TBC1D1: variants seen among roughly 807,000 people sequenced by gnomAD.
The protein encoded by TBC1D1 is TBC1 domain family member 1.
In TBC1D1, 89 loss-of-function variants were observed where a neutral mutation model predicts 125.6. The observed-to-expected ratio is 0.71, with a 90% CI of 0.60 to 0.85. The LOEUF (loss-of-function observed/expected upper bound fraction) is 0.85. Among genes scored for constraint, TBC1D1 ranks in the 40% least tolerant of loss-of-function variants. The probability of loss-of-function intolerance (pLI) is 0.00; values close to 1 mark genes in which losing one functional copy is unlikely to be tolerated. For missense variants in TBC1D1, 1,377 were observed against 1,469.2 expected, an observed-to-expected ratio of 0.94 and a Z score of 1.03; for synonymous variants, 565 against 564.1, an observed-to-expected ratio of 1.00 and a Z score of -0.02.
intron 4 of TBC1D1, 35 bp from the exon 5 acceptor site, chr4:38,020,554 GGA>G (rs1425010167): frequency 6.4e-7 from 1 of 1,555,256 alleles, no homozygotes; most frequent in Non-Finnish European, 8.9e-7. Context: ...TGCGTCTTCT[GGA>G]TACAACTGAA....
At chr4:37,982,447 A>G (rs956261007) in intron 2 of TBC1D1, among the ~76,000 whole-genome samples, 1 of 152,224 alleles carries the variant, frequency 6.6e-6, no homozygotes, top group Non-Finnish European at 1.5e-5. Context: ...GTCATAGTCA[A>G]ACCATTCCTT....
intron 2 of TBC1D1, among the ~76,000 whole-genome samples, chr4:37,926,625 C>T (rs1283788136): frequency 3.9e-5 from 6 of 152,164 alleles, no homozygotes; most frequent in Non-Finnish European, 8.8e-5. Flanking sequence ...TGATGTGGCC[C>T]TCAATTCAAT....
intron 2 of TBC1D1, among the ~76,000 whole-genome samples, chr4:38,013,010 G>C (rs555028333): frequency 1.3e-5 from 2 of 151,876 alleles, no homozygotes; most frequent in Admixed American, 6.6e-5. Flanking sequence ...GGCCAGGCTG[G>C]TCTCAACCTC....
intron 2 of TBC1D1, among the ~76,000 whole-genome samples, chr4:37,974,467 G>C (rs751636053): frequency 4.6e-5 from 7 of 152,170 alleles, no homozygotes; most frequent in South Asian, 2.1e-4. Context: ...TCGAACTCCT[G>C]AGCTCAAGTG....
At chr4:38,001,064 C>G (rs529831394) in intron 2 of TBC1D1, among the ~76,000 whole-genome samples, 1 of 152,138 alleles carries the variant, frequency 6.6e-6, no homozygotes, top group South Asian at 2.1e-4. Flanking sequence ...ACTAAAAATA[C>G]AAAAAGTTAG....
Position 37,977,449 on chromosome 4 carries a change from C to A in TBC1D1, c.418-37060C>A. ...GGCCGCCCGCGGGCCCACGGGCCGG[C>A]GGCGGGAGTGAGCGGGAGCCGGCGG... On this transcript the variant is annotated intron_variant, in intron 2 of 19. Coordinates refer to ENST00000261439, the MANE Select transcript of TBC1D1 (RefSeq NM_015173.4). The surrounding 1 kb of genome is among the most constrained non-coding windows in gnomAD (Gnocchi z 4.3). 1.0e-6 allele frequency: 1 copy of A among 982,526 alleles called. No individual in the cohort carries two copies. Among genetic ancestry groups the A allele is most frequent in the Non-Finnish European group, 1.2e-6 (1 of 824,762 alleles). The allele number at this position is 982,526 out of a possible 1,614,324, so 60.9% of individuals were successfully genotyped here. A position where few individuals can be genotyped will look rare whatever the true frequency, so the allele number is the denominator to read the frequency against.
intron 11 of TBC1D1, chr4:38,053,131 A>T: frequency 6.5e-7 from 1 of 1,528,834 alleles, no homozygotes; most frequent in Non-Finnish European, 8.8e-7. Flanking sequence ...TGCCCTGCGG[A>T]AAAAACTTCA....
intron 12 of TBC1D1, among the ~76,000 whole-genome samples, chr4:38,084,052 C>G (rs1224133104): frequency 6.6e-6 from 1 of 151,848 alleles, no homozygotes; most frequent in Admixed American, 6.6e-5. Context: ...ATTCTCCTGC[C>G]TCAGCCTCCC....
chr4:38,095,162 G>A (rs1327007950), intron 13 of TBC1D1, among the ~76,000 whole-genome samples: 3 of 152,178 alleles, frequency 2.0e-5, no homozygotes, highest in African/African-American at 7.2e-5. Flanking sequence ...GCAGCACTGG[G>A]CTTAGAGTCA....
intron 11 of TBC1D1, 111 bp from the exon 12 acceptor site, chr4:38,051,788 A>C: frequency 9.8e-7 from 1 of 1,022,286 alleles, no homozygotes; most frequent in Non-Finnish European, 1.4e-6. Flanking sequence ...TGATAGTGTT[A>C]CTGGAACAAC....
chr4:37,898,907 A>G (rs1715223264), intron 1 of TBC1D1, among the ~76,000 whole-genome samples: 2 of 152,198 alleles, frequency 1.3e-5, no homozygotes, highest in African/African-American at 2.4e-5. Context: ...CTCTATCTTC[A>G]GAGCCTTTAA....
intron 2 of TBC1D1, chr4:37,961,136 A>G (rs1434918006): frequency 7.5e-7 from 1 of 1,333,866 alleles, no homozygotes; most frequent in Non-Finnish European, 1.0e-6. Flanking sequence ...AAAGTGGGTC[A>G]TATTCCTCTT....
At chr4:37,968,601 T>C (rs1281160981) in intron 2 of TBC1D1, among the ~76,000 whole-genome samples, 1 of 152,252 alleles carries the variant, frequency 6.6e-6, no homozygotes, top group African/African-American at 2.4e-5. Context: ...CCTCACCTAA[T>C]TTGTTCTTCT....
At chr4:37,899,964 CA>C (rs1715491115) in intron 1 of TBC1D1, among the ~76,000 whole-genome samples, 1 of 150,768 alleles carries the variant, frequency 6.6e-6, no homozygotes, top group South Asian at 2.1e-4. Context: ...ACTAAAGATA[CA>C]AAAGAATTAG....
Position 38,096,074 on chromosome 4 carries a change from C to T in TBC1D1, c.2382C>T (p.His794=). Residue 794 remains histidine (H), a synonymous_variant, in exon 14 of 20, where the codon CAC becomes CAT. Coordinates refer to ENST00000261439, the MANE Select transcript of TBC1D1 (RefSeq NM_015173.4). Reference sequence around the variant, plus strand: ...TTAAGTTTGACATGGAAAAAATGCACTCGGCTGTTGGGCAAGGTAAGCTTC... The same window carrying T: ...TTAAGTTTGACATGGAAAAAATGCATTCGGCTGTTGGGCAAGGTAAGCTTC... The T allele has an allele frequency of 1.9e-6, 3 of 1,612,924 alleles. No homozygotes were observed. The highest frequency in any genetic ancestry group is 8.5e-7 in the Non-Finnish European group (1 of 1,179,240).
At chr4:38,105,637 AT>A (rs1027863404) in intron 15 of TBC1D1, among the ~76,000 whole-genome samples, 21 of 151,932 alleles carry the variant, frequency 1.4e-4, no homozygotes, top group African/African-American at 4.8e-4. Flanking sequence ...TCTCATCTTT[AT>A]GTCCATGTGT....
chr4:37,987,512 G>C (rs948207925), intron 2 of TBC1D1, among the ~76,000 whole-genome samples: 15 of 152,106 alleles, frequency 9.9e-5, no homozygotes, highest in African/African-American at 3.4e-4. Flanking sequence ...CTGAGAAACT[G>C]AACTTTTTTC....
intron 12 of TBC1D1, among the ~76,000 whole-genome samples, chr4:38,082,318 G>A (rs1330104857): frequency 2.0e-5 from 3 of 152,190 alleles, no homozygotes; most frequent in African/African-American, 7.2e-5. Flanking sequence ...GCTCATCCTG[G>A]TGGCACTGAC....
intron 12 of TBC1D1, among the ~76,000 whole-genome samples, chr4:38,088,960 AG>A (rs771813011): frequency 1.1e-4 from 17 of 152,248 alleles, no homozygotes; most frequent in Non-Finnish European, 2.4e-4. Flanking sequence ...TCTATTGAAC[AG>A]TACACAGTAA....
Sources: allele counts gnomAD v4.1 joint callset (sites outside exome capture counted in the v4.1 genomes callset), GRCh38; gene constraint gnomAD v4.1.1; non-coding constraint Gnocchi (gnomAD v3.1); transcripts MANE v1.5; gene names NCBI Gene and HGNC (gene_info 2026-07-23, HGNC 2026-07-21).